Variants in SATB1 observed in about 807,000 individuals in gnomAD.
The protein encoded by SATB1 is SATB homeobox 1.
SATB1 carries 11 observed loss-of-function variants against 86.9 expected under a neutral mutation model. That is an observed-to-expected ratio of 0.13 (90% CI 0.08 to 0.21). The LOEUF is 0.21. Among genes scored for constraint, SATB1 ranks in the 10% least tolerant of loss-of-function variants. The pLI, the probability that SATB1 is intolerant of heterozygous loss-of-function variation, is 1.00. For missense variants in SATB1, 551 were observed against 937.6 expected, an observed-to-expected ratio of 0.59 and a Z score of 5.39; for synonymous variants, 357 against 357.2, an observed-to-expected ratio of 1.00 and a Z score of 0.01.
At chr3:18,369,455 C>T (rs1004785049) in intron 9 of SATB1, among the ~76,000 whole-genome samples, 7 of 152,016 alleles carry the variant, frequency 4.6e-5, no homozygotes, top group Non-Finnish European at 8.8e-5. Flanking sequence ...AAAAACTAGA[C>T]AACCCCATTT....
At chr3:18,404,938 T>C (rs1697448120) in intron 5 of SATB1, among the ~76,000 whole-genome samples, 3 of 151,840 alleles carry the variant, frequency 2.0e-5, no homozygotes. Flanking sequence ...ATCTCCAACG[T>C]CTCCTCTAAC....
chr3:18,419,167 A>G (rs1698261308), intron 2 of SATB1, among the ~76,000 whole-genome samples: 1 of 152,198 alleles, frequency 6.6e-6, no homozygotes, highest in Admixed American at 6.5e-5. Flanking sequence ...CTATAAAGTG[A>G]CAATAGTACT....
At chr3:18,353,735 T>A (rs1345698915) in intron 9 of SATB1, among the ~76,000 whole-genome samples, 5 of 152,152 alleles carry the variant, frequency 3.3e-5, no homozygotes, top group Non-Finnish European at 7.4e-5. Flanking sequence ...CTCCTTGAAA[T>A]ATTTTAAAAG....
intron 2 of SATB1, among the ~76,000 whole-genome samples, chr3:18,436,087 CCCTACTG>C (rs1384834942): frequency 1.4e-4 from 22 of 152,276 alleles, no homozygotes; most frequent in Non-Finnish European, 2.8e-4. Flanking sequence ...GCTAACACAA[CCCTACTG>C]CAATTTCAGA....
At chr3:18,393,815 C>T (rs893958532) in intron 7 of SATB1, among the ~76,000 whole-genome samples, 5 of 152,030 alleles carry the variant, frequency 3.3e-5, no homozygotes, top group African/African-American at 4.8e-5. Context: ...ACTATCTGGT[C>T]GATAACAGAA....
At chr3:18,359,867 C>T (rs544635114) in intron 9 of SATB1, among the ~76,000 whole-genome samples, 166 of 151,796 alleles carry the variant, frequency 1.1e-3, no homozygotes, top group Non-Finnish European at 2.1e-3. Context: ...CATCAGTTTT[C>T]GTGTCTCTTT....
Position 18,386,694 on chromosome 3 carries a change from C to T in SATB1, c.1207-83G>A. ...TGATCCTTCCCTTTTCTTCTCCACTCTGTTTAGAAAATGAACAGTCAGAGG... is the reference window on the plus strand; with the variant it reads ...TGATCCTTCCCTTTTCTTCTCCACTTTGTTTAGAAAATGAACAGTCAGAGG... On this transcript the variant is annotated intron_variant, in intron 7 of 10. Transcript: ENST00000338745. This position sits in a 1 kb window ranked among gnomAD's most constrained non-coding sequence, Gnocchi z 4.5. 3 of 1,118,572 alleles carry T rather than the reference C, an allele frequency of 2.7e-6. No individual in the cohort carries two copies. The highest frequency in any genetic ancestry group is 4.0e-6 in the Non-Finnish European group (3 of 744,806). The allele number at this position is 1,118,572 out of a possible 1,614,324, so 69.3% of individuals were successfully genotyped here. A position where few individuals can be genotyped will look rare whatever the true frequency, so the allele number is the denominator to read the frequency against.
chr3:18,424,493 GACA>G lies in SATB1; in HGVS notation c.-894_-892del, dbSNP rs1351023084. 1 of 152,176 alleles carries G rather than the reference GACA, an allele frequency of 6.6e-6. No homozygotes were observed. The highest frequency in any genetic ancestry group is 1.5e-5 in the Non-Finnish European group (1 of 68,098). 9.4% of individuals were successfully genotyped at this position (152,176 alleles called of 1,614,324 possible). ...TGCCACTTTTGATTCTGCCCTCGCT[GACA>G]ACAGCCGCAAGGACCCTCTCCCTGC... is the stretch of plus-strand genomic sequence containing the variant. On this transcript the variant is annotated 5_prime_UTR_variant, in exon 1 of 11. Coordinates refer to ENST00000338745, the MANE Select transcript of SATB1 (RefSeq NM_002971.6).
chr3:18,361,577 G>A (rs1339247466), intron 9 of SATB1, among the ~76,000 whole-genome samples: 1 of 152,054 alleles, frequency 6.6e-6, no homozygotes, highest in Non-Finnish European at 1.5e-5. Context: ...CTGAAAGACT[G>A]TTATTTGAAG....
At chr3:18,414,287 G>A (rs558320424) in intron 5 of SATB1, among the ~76,000 whole-genome samples, 4 of 152,118 alleles carry the variant, frequency 2.6e-5, no homozygotes, top group Non-Finnish European at 5.9e-5. Flanking sequence ...AGCCCTTTAA[G>A]AGTAGATTCA....
intron 9 of SATB1, among the ~76,000 whole-genome samples, chr3:18,367,602 C>G (rs1196502403): frequency 6.6e-6 from 1 of 152,240 alleles, no homozygotes; most frequent in East Asian, 1.9e-4. Flanking sequence ...AATAATTTGT[C>G]TTTGAAACGC....
At chr3:18,445,427 C>A (rs888897423) in intron 1 of SATB1, 63 of 985,262 alleles carry the variant, frequency 6.4e-5, no homozygotes, top group Non-Finnish European at 1.6e-5. Context: ...GAAGACAGGA[C>A]CCTCAGCCTC....
At chr3:18,373,642 C>T (rs1695585266) in intron 9 of SATB1, among the ~76,000 whole-genome samples, 1 of 152,170 alleles carries the variant, frequency 6.6e-6, no homozygotes. Context: ...CGTTTTCTTT[C>T]ACCTACAAAC....
At position 18,372,140 on chromosome 3, in the gene SATB1, C is replaced by T. The variant is rs1293625896; in HGVS notation, c.1575+6030G>A. On this transcript the variant is annotated intron_variant, in intron 9 of 10. Transcript: ENST00000338745. ...TCTATGAATACATAGTTGGCATAGCCGTGCTTCAGAACATATATGCTGGAT... is the reference window on the plus strand; with the variant it reads ...TCTATGAATACATAGTTGGCATAGCTGTGCTTCAGAACATATATGCTGGAT... 7.9e-5 allele frequency among the ~76,000 whole-genome samples: 12 copies of T among 152,306 alleles called. No individual in the cohort carries two copies. The East Asian group carries it at 2.1e-3, about 27-fold the overall frequency.
intron 8 of SATB1, among the ~76,000 whole-genome samples, chr3:18,380,256 C>T (rs1695978993): frequency 6.6e-6 from 1 of 152,148 alleles, no homozygotes; most frequent in South Asian, 2.1e-4. Context: ...GAAACAGATC[C>T]TTGGTAGCAA....
chr3:18,414,353 T>C (rs922408607), intron 5 of SATB1, among the ~76,000 whole-genome samples: 1 of 152,082 alleles, frequency 6.6e-6, no homozygotes, highest in African/African-American at 2.4e-5. Context: ...AAAATGATGT[T>C]TGATTTTCTG....
intron 8 of SATB1, among the ~76,000 whole-genome samples, chr3:18,385,895 C>A (rs531364430): frequency 1.3e-5 from 2 of 152,112 alleles, no homozygotes; most frequent in South Asian, 4.1e-4. Flanking sequence ...CCTTATCAGC[C>A]CCATTTAAAG....
At chr3:18,419,621 A>G (rs74719411) in intron 2 of SATB1, among the ~76,000 whole-genome samples, 2 of 152,326 alleles carry the variant, frequency 1.3e-5, no homozygotes, top group African/African-American at 2.4e-5. Context: ...AGTGCTTCAC[A>G]GTACAATATT....
At chr3:18,384,667 T>TATTTC (rs1326967290) in intron 8 of SATB1, among the ~76,000 whole-genome samples, 1 of 152,214 alleles carries the variant, frequency 6.6e-6, no homozygotes, top group East Asian at 1.9e-4. Context: ...CAAATTATTT[T>TATTTC]ATTTCATTTC....
Sources: allele counts gnomAD v4.1 joint callset (sites outside exome capture counted in the v4.1 genomes callset), GRCh38; gene constraint gnomAD v4.1.1; non-coding constraint Gnocchi (gnomAD v3.1); transcripts MANE v1.5; gene names NCBI Gene and HGNC (gene_info 2026-07-23, HGNC 2026-07-21).